CSTPP1: variants seen among roughly 807,000 people sequenced by gnomAD.
CSTPP1 encodes centriolar satellite-associated tubulin polyglutamylase complex regulator 1, also known as UPF0705 protein C11orf49.
At chr11:47,073,332 T>C in the CSTPP1 span, among the ~76,000 whole-genome samples, 1 of 152,078 alleles carries the variant, frequency 6.6e-6, no homozygotes, top group African/African-American at 2.4e-5. Flanking sequence ...GGATGTATGG[T>C]TCAAAAAGGT....
At chr11:47,076,946 G>A in the CSTPP1 span, among the ~76,000 whole-genome samples, 1 of 130,610 alleles carries the variant, frequency 7.7e-6, no homozygotes. Flanking sequence ...CAAAGGCAAA[G>A]AAGTAGAAAA....
the CSTPP1 span, among the ~76,000 whole-genome samples, chr11:47,022,618 C>T: frequency 6.6e-6 from 1 of 152,046 alleles, no homozygotes; most frequent in Non-Finnish European, 1.5e-5. Flanking sequence ...GATCCGCCTG[C>T]CTTGGCCTCC....
chr11:47,162,110 C>T, the CSTPP1 span: 2 of 986,712 alleles, frequency 2.0e-6, no homozygotes, highest in African/African-American at 1.7e-5. Flanking sequence ...TGTTGGAGAA[C>T]AGCCAGTAGC....
the CSTPP1 span, among the ~76,000 whole-genome samples, chr11:47,133,750 T>C: frequency 6.6e-6 from 1 of 152,194 alleles, no homozygotes; most frequent in African/African-American, 2.4e-5. Flanking sequence ...GCTGATAAGA[T>C]CAAGGTGCTG....
the CSTPP1 span, among the ~76,000 whole-genome samples, chr11:47,125,798 C>G: frequency 6.6e-6 from 1 of 152,066 alleles, no homozygotes; most frequent in Non-Finnish European, 1.5e-5. Flanking sequence ...TGGCAGATCA[C>G]TTGAGGTCAA....
At chr11:47,118,104 C>T in the CSTPP1 span, among the ~76,000 whole-genome samples, 4 of 151,824 alleles carry the variant, frequency 2.6e-5, no homozygotes, top group African/African-American at 7.3e-5. Flanking sequence ...GGTCTCAAAC[C>T]CCCGACCTCG....
At chr11:47,094,290 G>T in the CSTPP1 span, among the ~76,000 whole-genome samples, 1 of 152,220 alleles carries the variant, frequency 6.6e-6, no homozygotes, top group Non-Finnish European at 1.5e-5. Flanking sequence ...CAGAGGATAG[G>T]ATGGTGGTTT....
the CSTPP1 span, among the ~76,000 whole-genome samples, chr11:47,142,334 A>G: frequency 6.6e-6 from 1 of 151,992 alleles, no homozygotes; most frequent in Non-Finnish European, 1.5e-5. Flanking sequence ...TTTCAATGGC[A>G]AAGACTGCAA....
chr11:47,052,654 A>G, the CSTPP1 span: 2 of 1,252,834 alleles, frequency 1.6e-6, no homozygotes, highest in Non-Finnish European at 2.1e-6. Flanking sequence ...GTTCCTATAA[A>G]TATTGTTTGA....
chr11:47,086,426 A>C, the CSTPP1 span, among the ~76,000 whole-genome samples: 1 of 151,822 alleles, frequency 6.6e-6, no homozygotes, highest in South Asian at 2.1e-4. Context: ...TTTAAAAAGA[A>C]TAAATTAAGA....
chr11:46,997,360 T>G, the CSTPP1 span, among the ~76,000 whole-genome samples: 1 of 152,232 alleles, frequency 6.6e-6, no homozygotes, highest in Admixed American at 6.5e-5. Flanking sequence ...CTACTGAAGC[T>G]TGTGTGTGTG....
chr11:47,154,842 A>G, the CSTPP1 span: 9 of 414,372 alleles, frequency 2.2e-5, no homozygotes, highest in Non-Finnish European at 3.1e-5. Flanking sequence ...CCTTGGCTGC[A>G]TTACAGTTGC....
At chr11:46,941,278 C>G in the CSTPP1 span, among the ~76,000 whole-genome samples, 1 of 152,182 alleles carries the variant, frequency 6.6e-6, no homozygotes, top group Non-Finnish European at 1.5e-5. Flanking sequence ...TGAGAACTAT[C>G]CCTGCCTTTT....
the CSTPP1 span, among the ~76,000 whole-genome samples, chr11:47,112,748 C>T: frequency 5.9e-5 from 9 of 152,320 alleles, no homozygotes; most frequent in East Asian, 1.7e-3. Flanking sequence ...ACATGTGACA[C>T]ATAATAGATG....
the CSTPP1 span, among the ~76,000 whole-genome samples, chr11:47,031,657 A>G: frequency 6.6e-6 from 1 of 150,628 alleles, no homozygotes; most frequent in African/African-American, 2.4e-5. Context: ...TGATCGTGCC[A>G]CTGCACTCCA....
the CSTPP1 span, among the ~76,000 whole-genome samples, chr11:46,958,371 A>C: frequency 6.6e-6 from 1 of 152,246 alleles, no homozygotes; most frequent in South Asian, 2.1e-4. Flanking sequence ...ATACATATAC[A>C]AAATATGTGC....
the CSTPP1 span, among the ~76,000 whole-genome samples, chr11:46,944,178 C>T: frequency 6.6e-6 from 1 of 150,902 alleles, no homozygotes; most frequent in Non-Finnish European, 1.5e-5. Context: ...ATTAGCAGAG[C>T]GTGGGGGTGT....
the CSTPP1 span, among the ~76,000 whole-genome samples, chr11:47,032,100 A>C: frequency 6.6e-6 from 1 of 152,168 alleles, no homozygotes; most frequent in African/African-American, 2.4e-5. Context: ...ACTCAAAGTT[A>C]ATCTCCTTTG....
At chr11:47,039,321 C>T in the CSTPP1 span, among the ~76,000 whole-genome samples, 2 of 127,696 alleles carry the variant, frequency 1.6e-5, 1 homozygote, top group East Asian at 4.2e-4. Flanking sequence ...GCCAACACAG[C>T]GAAACCCCGT....
Sources: allele counts gnomAD v4.1 joint callset (sites outside exome capture counted in the v4.1 genomes callset), GRCh38; gene constraint gnomAD v4.1.1; transcripts MANE v1.5; gene names NCBI Gene and HGNC (gene_info 2026-07-23, HGNC 2026-07-21).